CWC27: variants seen among roughly 807,000 people sequenced by gnomAD.
The protein encoded by CWC27 is spliceosome-associated protein CWC27 homolog.
CWC27 carries 47 observed loss-of-function variants against 63.6 expected under a neutral mutation model. The observed-to-expected ratio is 0.74, with a 90% CI of 0.58 to 0.94. The LOEUF is 0.94. Among genes scored for constraint, CWC27 ranks in the 40% least tolerant of loss-of-function variants. The pLI is 0.00. For synonymous variants in CWC27, 175 were observed against 179.8 expected (o/e 0.97, Z 0.22); for missense variants, 495 against 554.3 (o/e 0.89, Z 1.07).
intron 8 of CWC27, among the ~76,000 whole-genome samples, chr5:64,800,711 A>G (rs908214043): frequency 2.0e-5 from 3 of 152,166 alleles, no homozygotes; most frequent in Admixed American, 2.0e-4. Flanking sequence ...TTTTGTGAAG[A>G]AGTTACCAGT....
intron 7 of CWC27, among the ~76,000 whole-genome samples, chr5:64,789,379 C>T (rs1432193942): frequency 6.6e-6 from 1 of 151,906 alleles, no homozygotes; most frequent in Non-Finnish European, 1.5e-5. Context: ...CTCTTATATT[C>T]ATTTTAATGT....
chr5:64,980,750 G>T (rs1456237136), intron 13 of CWC27, among the ~76,000 whole-genome samples: 3 of 151,982 alleles, frequency 2.0e-5, no homozygotes, highest in Admixed American at 1.3e-4. Context: ...ACCAACAATT[G>T]CATGGTTGCC....
At chr5:64,786,872 AT>A (rs1414784197) in intron 6 of CWC27, among the ~76,000 whole-genome samples, 1 of 152,194 alleles carries the variant, frequency 6.6e-6, no homozygotes, top group East Asian at 1.9e-4. Flanking sequence ...TCACACTGCT[AT>A]AAAGATATAC....
chr5:64,951,073 A>G lies in CWC27; in HGVS notation c.1043-20630A>G, dbSNP rs568655001. Among the ~76,000 whole-genome samples, 9 of 152,034 alleles carry G rather than the reference A, an allele frequency of 5.9e-5. No homozygotes were observed. In the South Asian group the frequency reaches 1.9e-3, roughly 32 times the overall value. On this transcript the variant is annotated intron_variant, in intron 11 of 13. Coordinates refer to ENST00000381070, the MANE Select transcript of CWC27 (RefSeq NM_005869.4). ...TTTAAGTATTATGAATAAAGCTGTT[A>G]TAGCACTAATTTATTTTGGATAAAT...
chr5:64,939,053 T>C (rs1748418394), intron 11 of CWC27, among the ~76,000 whole-genome samples: 1 of 152,188 alleles, frequency 6.6e-6, no homozygotes, highest in African/African-American at 2.4e-5. Context: ...GTTTAGAACA[T>C]GCTCCTTTAG....
At chr5:64,918,446 CTG>C (rs1235836796) in intron 11 of CWC27, among the ~76,000 whole-genome samples, 1 of 151,930 alleles carries the variant, frequency 6.6e-6, no homozygotes, top group Non-Finnish European at 1.5e-5. Context: ...TAAAAAAAAA[CTG>C]TGTCAGGTAT....
At chr5:64,918,093 G>C (rs1473871430) in intron 11 of CWC27, among the ~76,000 whole-genome samples, 4 of 151,998 alleles carry the variant, frequency 2.6e-5, no homozygotes, top group Non-Finnish European at 5.9e-5. Flanking sequence ...AGTCCAAACA[G>C]GGAAGGAAAG....
At chr5:64,809,999 CT>C (rs374141358) in intron 10 of CWC27, among the ~76,000 whole-genome samples, 1,654 of 149,122 alleles carry the variant, frequency 0.011, 25 homozygotes, top group African/African-American at 0.038. Flanking sequence ...ATTCCCGCCT[CT>C]TTTTTTTTTC....
intron 10 of CWC27, among the ~76,000 whole-genome samples, chr5:64,840,362 TAAAAAAAAAAAAAAAA>T (rs10534375): frequency 4.5e-5 from 1 of 22,234 alleles, no homozygotes; most frequent in African/African-American, 1.5e-4. Flanking sequence ...CCTTTTTCAT[TAAAAAAAAAAAAAAAA>T]AAAAAAAAAA....
At chr5:64,925,902 A>G (rs1231268425) in intron 11 of CWC27, among the ~76,000 whole-genome samples, 1 of 152,056 alleles carries the variant, frequency 6.6e-6, no homozygotes, top group Non-Finnish European at 1.5e-5. Context: ...AGCACCTTCT[A>G]CTATTTTTGC....
intron 11 of CWC27, among the ~76,000 whole-genome samples, chr5:64,950,269 A>G (rs1470874466): frequency 6.6e-6 from 1 of 151,936 alleles, no homozygotes; most frequent in Non-Finnish European, 1.5e-5. Context: ...AATTGTAACT[A>G]ATAGTAATAT....
At chr5:64,880,699 A>G (rs1471337284) in intron 10 of CWC27, among the ~76,000 whole-genome samples, 1 of 151,818 alleles carries the variant, frequency 6.6e-6, no homozygotes, top group Non-Finnish European at 1.5e-5. Context: ...TTAGGGAGTA[A>G]CTTATTGCAG....
rs114033290 is a variant in CWC27 at position 64,793,114 on chromosome 5, A to G, written c.669+4094A>G. On this transcript the variant is annotated intron_variant, in intron 7 of 13. Transcript: ENST00000381070. ...GCCCAATCTAGAGGGCTGGTGAGAAATTTCATTATCAGCTCAGCCTTTTTG... is the reference window on the plus strand; with the variant it reads ...GCCCAATCTAGAGGGCTGGTGAGAAGTTTCATTATCAGCTCAGCCTTTTTG... Among the ~76,000 whole-genome samples the G allele has an allele frequency of 5.7e-3, 871 of 152,180 alleles. 8 individuals carry two copies. The highest frequency in any genetic ancestry group is 8.3e-3 in the Non-Finnish European group (564 of 68,010).
intron 11 of CWC27, among the ~76,000 whole-genome samples, chr5:64,903,258 A>G (rs989351085): frequency 6.6e-6 from 1 of 152,222 alleles, no homozygotes; most frequent in African/African-American, 2.4e-5. Flanking sequence ...TACAATAGCA[A>G]AGACTTGCAA....
intron 10 of CWC27, among the ~76,000 whole-genome samples, chr5:64,859,056 G>A (rs1746333128): frequency 6.6e-6 from 1 of 152,218 alleles, no homozygotes. Flanking sequence ...TATTGGAAAT[G>A]TTTATGGAGT....
chr5:64,825,860 A>G (rs1214145876), intron 10 of CWC27, among the ~76,000 whole-genome samples: 3 of 152,214 alleles, frequency 2.0e-5, no homozygotes, highest in Non-Finnish European at 4.4e-5. Flanking sequence ...GGTAAAGCAG[A>G]TTATCACAGA....
chr5:64,823,004 T>A (rs1444065541), intron 10 of CWC27, among the ~76,000 whole-genome samples: 1 of 152,212 alleles, frequency 6.6e-6, no homozygotes, highest in Non-Finnish European at 1.5e-5. Flanking sequence ...TACTCAAATT[T>A]AATGACAACT....
chr5:64,915,914 A>T (rs1747879070), intron 11 of CWC27, among the ~76,000 whole-genome samples: 1 of 152,138 alleles, frequency 6.6e-6, no homozygotes, highest in Non-Finnish European at 1.5e-5. Flanking sequence ...GAAGAATCTG[A>T]ATGTTTTGTT....
At chr5:64,779,578 AT>A (rs1473780116) in intron 2 of CWC27, among the ~76,000 whole-genome samples, 1 of 152,224 alleles carries the variant, frequency 6.6e-6, no homozygotes, top group Non-Finnish European at 1.5e-5. Flanking sequence ...GTTCAACATC[AT>A]TTAGTATATT....
Sources: allele counts gnomAD v4.1 joint callset (sites outside exome capture counted in the v4.1 genomes callset), GRCh38; gene constraint gnomAD v4.1.1; transcripts MANE v1.5; gene names NCBI Gene and HGNC (gene_info 2026-07-23, HGNC 2026-07-21).